DAB1: variants seen among roughly 807,000 people sequenced by gnomAD.
DAB1 encodes DAB adaptor protein 1.
Under a neutral mutation model 64.6 loss-of-function variants are expected in DAB1, and 15 were observed. The observed-to-expected ratio is 0.23, with a 90% confidence interval of 0.16 to 0.36. DAB1 has a LOEUF of 0.36. Among genes scored for constraint, DAB1 ranks in the 10% least tolerant of loss-of-function variants. The pLI is 1.00. For missense variants in DAB1, 596 were observed against 706.7 expected (o/e 0.84, Z 1.78); for synonymous variants, 235 against 251.9 (o/e 0.93, Z 0.64).
At chr1:57,349,107 T>A (rs1391336621) in intron 1 of DAB1, among the ~76,000 whole-genome samples, 1 of 152,170 alleles carries the variant, frequency 6.6e-6, no homozygotes, top group Non-Finnish European at 1.5e-5. Flanking sequence ...GTAATCCCAA[T>A]AGCTCCTGAC....
At chr1:58,453,618 G>C (rs1221566425) in intron 3 of DAB1, among the ~76,000 whole-genome samples, 1 of 152,172 alleles carries the variant, frequency 6.6e-6, no homozygotes, top group Non-Finnish European at 1.5e-5. Context: ...CCCCTCTGGA[G>C]TCAACCTCCT....
chr1:58,002,824 C>T (rs1009644806), intron 5 of DAB1, among the ~76,000 whole-genome samples: 4 of 152,032 alleles, frequency 2.6e-5, no homozygotes, highest in African/African-American at 9.7e-5. Context: ...CCAGGCAGAC[C>T]TGGGTTTGAA....
chr1:58,264,136 CATCA>C (rs1183421447), intron 4 of DAB1, among the ~76,000 whole-genome samples: 1 of 152,182 alleles, frequency 6.6e-6, no homozygotes, highest in Non-Finnish European at 1.5e-5. Context: ...TACCAGTAGC[CATCA>C]AACCTTTTTA....
chr1:57,592,412 A>G (rs10889057), intron 7 of DAB1, among the ~76,000 whole-genome samples: 146,499 of 152,034 alleles, frequency 0.96, 70,789 homozygotes, highest in East Asian at 1. Context: ...GGGTGCCCCC[A>G]TTTGAAAAGC....
chr1:57,267,388 G>A (rs113243777), intron 2 of DAB1, among the ~76,000 whole-genome samples: 258 of 152,326 alleles, frequency 1.7e-3, no homozygotes, highest in African/African-American at 5.7e-3. Context: ...ACAGCCTCAG[G>A]AAATGAACAC....
Position 57,011,219 on chromosome 1 carries a change from C to A in DAB1, c.1498G>T (p.Ala500Ser), listed in dbSNP as rs771933743. The A allele has an allele frequency of 6.2e-7, 1 of 1,613,896 alleles. No homozygotes were observed. The highest frequency in any genetic ancestry group is 8.5e-7 in the Non-Finnish European group (1 of 1,179,908). ...SSPSKSSASH[A>S]SDPTTDDIFE... The stretch of plus-strand genomic sequence containing the variant: ...ATGTCATCTGTGGTAGGATCACTGG[C>A]ATGGGATGCAGATGATTTGGATGGA... The change falls in exon 13 of 15, where the codon GCC becomes TCC. Residue 500 changes from alanine (A) to serine (S), a missense_variant. By Grantham distance (99) the Ala-to-Ser change is moderately conservative. Coordinates refer to ENST00000371236, the MANE Select transcript of DAB1 (RefSeq NM_001365792.1).
At chr1:58,083,603 G>A (rs535402407) in intron 5 of DAB1, among the ~76,000 whole-genome samples, 123 of 152,230 alleles carry the variant, frequency 8.1e-4, no homozygotes, top group Middle Eastern at 6.8e-3. Flanking sequence ...ATTTAATTGC[G>A]CACTTAACAA....
intron 5 of DAB1, among the ~76,000 whole-genome samples, chr1:57,957,180 C>G (rs1018692007): frequency 1.3e-5 from 2 of 151,978 alleles, no homozygotes; most frequent in Non-Finnish European, 2.9e-5. Context: ...ATGTCGAGGA[C>G]CAGGTAAGAA....
At chr1:58,411,180 A>AT (rs1487044603) in intron 3 of DAB1, among the ~76,000 whole-genome samples, 1 of 152,170 alleles carries the variant, frequency 6.6e-6, no homozygotes, top group Non-Finnish European at 1.5e-5. Context: ...TGAACAACAG[A>AT]TATTTACTGG....
At chr1:57,115,377 C>T (rs542813132) in intron 4 of DAB1, among the ~76,000 whole-genome samples, 1 of 152,202 alleles carries the variant, frequency 6.6e-6, no homozygotes, top group South Asian at 2.1e-4. Flanking sequence ...AGAGAAGGTC[C>T]TCAGTAAGAA....
intron 1 of DAB1, among the ~76,000 whole-genome samples, chr1:57,313,436 T>C (rs1674908386): frequency 6.6e-6 from 1 of 152,216 alleles, no homozygotes; most frequent in South Asian, 2.1e-4. Context: ...ACCCTAAAAG[T>C]CCATTTCCTT....
intron 4 of DAB1, among the ~76,000 whole-genome samples, chr1:58,307,369 C>A (rs76510624): frequency 0.036 from 5,448 of 152,078 alleles, 342 homozygotes; most frequent in African/African-American, 0.12. Flanking sequence ...GTAGTGAAAA[C>A]GGAGAGGTGA....
chr1:57,090,080 A>G (rs1653501968), intron 4 of DAB1, among the ~76,000 whole-genome samples: 2 of 152,198 alleles, frequency 1.3e-5, no homozygotes, highest in Admixed American at 6.5e-5. Context: ...AACTGCTGCA[A>G]TGCATTCTTT....
chr1:57,340,877 A>G (rs1012168525), intron 1 of DAB1, among the ~76,000 whole-genome samples: 2 of 152,196 alleles, frequency 1.3e-5, no homozygotes, highest in African/African-American at 4.8e-5. Context: ...CAAGTCCCAC[A>G]CTGAACACTC....
At chr1:58,132,669 A>G (rs1653696441) in intron 5 of DAB1, among the ~76,000 whole-genome samples, 1 of 152,078 alleles carries the variant, frequency 6.6e-6, no homozygotes, top group Admixed American at 6.5e-5. Context: ...GGCCTATTTG[A>G]CAGGGTAACA....
intron 6 of DAB1, among the ~76,000 whole-genome samples, chr1:57,709,259 G>A (rs1570757507): frequency 1.3e-5 from 2 of 151,990 alleles, no homozygotes; most frequent in East Asian, 3.9e-4. Flanking sequence ...AACTATATCT[G>A]AATTACTATT....
At chr1:57,677,562 T>C (rs947759718) in intron 6 of DAB1, among the ~76,000 whole-genome samples, 8 of 152,204 alleles carry the variant, frequency 5.3e-5, no homozygotes, top group Non-Finnish European at 1.2e-4. Flanking sequence ...TGGGTGACAG[T>C]AGCATTCATA....
intron 1 of DAB1, among the ~76,000 whole-genome samples, chr1:57,356,608 A>T (rs565434544): frequency 3.9e-4 from 59 of 152,224 alleles, no homozygotes; most frequent in African/African-American, 1.4e-3. Flanking sequence ...GAAAATAAAT[A>T]ATCTCCCTAG....
intron 3 of DAB1, among the ~76,000 whole-genome samples, chr1:58,439,010 G>A (rs1401446190): frequency 1.3e-5 from 2 of 152,066 alleles, no homozygotes; most frequent in Non-Finnish European, 2.9e-5. Flanking sequence ...GAGGGGGTGG[G>A]GGCCAGGGCC....
Sources: gnomAD v4.1 joint callset for allele counts (sites outside exome capture counted in the v4.1 genomes callset) on GRCh38, gnomAD v4.1.1 for gene constraint, MANE v1.5 for transcripts, NCBI Gene and HGNC (gene_info 2026-07-23, HGNC 2026-07-21) for gene names.